SUPT20H: variants seen among roughly 807,000 people sequenced by gnomAD.
The protein encoded by SUPT20H is transcription factor SPT20 homolog.
SUPT20H carries 82 observed loss-of-function variants against 122.8 expected under a neutral mutation model. The observed-to-expected ratio is 0.67, with a 90% CI of 0.56 to 0.80. The LOEUF is 0.80. SUPT20H is among the 30% of genes least tolerant of loss of function. The probability of loss-of-function intolerance (pLI) is 0.00; values close to 1 mark genes in which losing one functional copy is unlikely to be tolerated. For synonymous variants in SUPT20H, 291 were observed against 313.0 expected (o/e 0.93, Z 0.74); for missense variants, 831 against 921.6 (o/e 0.90, Z 1.27).
intron 21 of SUPT20H, among the ~76,000 whole-genome samples, chr13:37,020,712 A>G (rs1325828166): frequency 6.6e-6 from 1 of 152,250 alleles, no homozygotes; most frequent in African/African-American, 2.4e-5. Context: ...CATAACTAAG[A>G]AAGTTTTTAA....
At chr13:37,049,054 G>GA (rs2067080575) in intron 2 of SUPT20H, among the ~76,000 whole-genome samples, 1 of 151,938 alleles carries the variant, frequency 6.6e-6, no homozygotes, top group Admixed American at 6.6e-5. Flanking sequence ...ATATATTAAT[G>GA]AAAAAAACCT....
chr13:37,017,047 A>T (rs2060633372), intron 23 of SUPT20H, among the ~76,000 whole-genome samples, 198 bp downstream of exon 23: 1 of 152,226 alleles, frequency 6.6e-6, no homozygotes, highest in Admixed American at 6.5e-5. Context: ...TCTATGCAAG[A>T]TGCAGGTGAT....
At chr13:37,051,608 C>A (rs1240273670) in intron 1 of SUPT20H, 25 bp from the exon 2 acceptor site, 5 of 752,330 alleles carry the variant, frequency 6.6e-6, no homozygotes, top group South Asian at 4.4e-5. Context: ...CAATAAAACC[C>A]CAATATTAAC....
rs772878765 is a variant in SUPT20H at position 37,025,446 on chromosome 13, T to G, written c.1212-9A>C. ...GGTACTGATTGACTACCCTAAAATA[T>G]CAGGAGAAAACAGGTAAAGATTAGA... On this transcript the variant is annotated splice_polypyrimidine_tract_variant and intron_variant, in intron 16 of 25. Coordinates refer to ENST00000350612, the MANE Select transcript of SUPT20H (RefSeq NM_001014286.3). 2 of 1,594,222 alleles carry G rather than the reference T, an allele frequency of 1.3e-6. No homozygotes were observed. The highest frequency in any genetic ancestry group is 2.7e-5 in the African/African-American group (2 of 74,316).
intron 1 of SUPT20H, among the ~76,000 whole-genome samples, chr13:37,058,832 T>C (rs1422513397): frequency 6.6e-6 from 1 of 152,164 alleles, no homozygotes; most frequent in Admixed American, 6.5e-5. Context: ...AGGACCCAAT[T>C]CTGCTCAGAG....
intron 1 of SUPT20H, among the ~76,000 whole-genome samples, chr13:37,056,632 G>A (rs1409854113): frequency 1.3e-5 from 2 of 152,024 alleles, no homozygotes; most frequent in Non-Finnish European, 2.9e-5. Flanking sequence ...GGAGGAGGGG[G>A]GAGGGATAGC....
chr13:37,038,300 T>A (rs1309055064), intron 9 of SUPT20H: 2 of 152,202 alleles, frequency 1.3e-5, no homozygotes, highest in Admixed American at 1.3e-4. Flanking sequence ...TTTGCACCTA[T>A]TAGCTGGAAA....
intron 10 of SUPT20H, 74 bp from the exon 11 acceptor site, chr13:37,031,969 C>G: frequency 1.5e-6 from 2 of 1,351,568 alleles, no homozygotes; most frequent in Non-Finnish European, 2.0e-6. Context: ...TGAAACTAGT[C>G]AGTGCTGAAT....
At chr13:37,015,104 T>C (rs971987624) in intron 23 of SUPT20H, among the ~76,000 whole-genome samples, 12 of 151,256 alleles carry the variant, frequency 7.9e-5, no homozygotes, top group Non-Finnish European at 1.3e-4. Flanking sequence ...GATTTGGCAA[T>C]GATCTTCAAT....
intron 5 of SUPT20H, chr13:37,047,140 ATAGCTCTGGC>A (rs1475276586): frequency 6.5e-6 from 1 of 153,942 alleles, no homozygotes; most frequent in Non-Finnish European, 1.4e-5. Flanking sequence ...ATGCTCTGTA[ATAGCTCTGGC>A]TTTCCAGTTT....
At chr13:37,045,427 A>G (rs764187211) in intron 5 of SUPT20H, 54 bp from the exon 6 acceptor site, 13 of 1,591,396 alleles carry the variant, frequency 8.2e-6, no homozygotes, top group Non-Finnish European at 8.5e-6. Flanking sequence ...ACCTTAACAA[A>G]TAATGCTATG....
chr13:37,037,933 C>T (rs1719895505), intron 9 of SUPT20H: 1 of 152,034 alleles, frequency 6.6e-6, no homozygotes, highest in Non-Finnish European at 1.5e-5. Context: ...TTAACTAGAT[C>T]TGGCTGGTTT....
intron 6 of SUPT20H, 57 bp downstream of exon 6, chr13:37,045,190 C>T: frequency 1.2e-6 from 2 of 1,601,356 alleles, no homozygotes; most frequent in Admixed American, 1.8e-5. Context: ...TTTAAAAAAA[C>T]CGCACATCCT....
At chr13:37,033,410 CT>C in intron 10 of SUPT20H, 38 bp downstream of exon 10, 2 of 1,597,934 alleles carry the variant, frequency 1.3e-6, no homozygotes, top group Non-Finnish European at 1.7e-6. Flanking sequence ...TTTATAGCTA[CT>C]TGTGTCTTTT....
rs768762893 is a variant in SUPT20H at position 37,024,077 on chromosome 13, T to C, written c.1549A>G (p.Met517Val). The change falls in exon 19 of 26, where the codon ATG becomes GTG. Residue 517 changes from methionine (M) to valine (V), a missense_variant. By Grantham distance (21) the Met-to-Val change is conservative (BLOSUM62 1). Transcript: ENST00000350612. ...GGTGATAGGGCAGCTGGAGAAAGCA[T>C]GCTAACTTGATTGAGATCCACAGAT... is the stretch of plus-strand genomic sequence containing the variant. The part of the protein sequence containing the change: ...KSSVDLNQVS[M>V]LSPAALSPAS... 8 of 1,613,504 alleles carry C rather than the reference T, an allele frequency of 5.0e-6. No homozygotes were observed. Among genetic ancestry groups the C allele is most frequent in the African/African-American group, 2.7e-5 (2 of 74,918 alleles).
chr13:37,052,118 G>A (rs377708400), intron 1 of SUPT20H, among the ~76,000 whole-genome samples: 19 of 152,068 alleles, frequency 1.2e-4, no homozygotes, highest in East Asian at 1.2e-3. Context: ...CTAAGTACTC[G>A]TAGATTCAAT....
chr13:37,056,724 C>T (rs1341148414), intron 1 of SUPT20H, among the ~76,000 whole-genome samples: 2 of 151,602 alleles, frequency 1.3e-5, no homozygotes, highest in Non-Finnish European at 2.9e-5. Context: ...ATGTAACAAA[C>T]CTGCACGTTG....
intron 15 of SUPT20H, among the ~76,000 whole-genome samples, chr13:37,026,449 T>C (rs562303059): frequency 6.6e-6 from 1 of 152,222 alleles, no homozygotes; most frequent in Admixed American, 6.5e-5. Flanking sequence ...TGTGAATAAT[T>C]TGGTTGATTT....
chr13:37,017,071 T>A (rs573718184), intron 23 of SUPT20H, among the ~76,000 whole-genome samples, 174 bp downstream of exon 23: 1 of 152,286 alleles, frequency 6.6e-6, no homozygotes, highest in African/African-American at 2.4e-5. Flanking sequence ...ATCTATTCAG[T>A]ATGGTATGAC....
Sources: gnomAD v4.1 joint callset for allele counts (sites outside exome capture counted in the v4.1 genomes callset) on GRCh38, gnomAD v4.1.1 for gene constraint, MANE v1.5 for transcripts, NCBI Gene and HGNC (gene_info 2026-07-23, HGNC 2026-07-21) for gene names.